LRCH1: variants seen among roughly 807,000 people sequenced by gnomAD.
LRCH1 encodes leucine-rich repeat and calponin homology domain-containing protein 1.
Under a neutral mutation model 94.9 loss-of-function variants are expected in LRCH1, and 23 were observed. The ratio of observed to expected loss-of-function variants is 0.24; its 90% confidence interval spans 0.17 to 0.34. The LOEUF is 0.34. Ranked by LOEUF, LRCH1 falls within the 10% of genes least tolerant of loss-of-function variation. The pLI is 1.00. For synonymous variants in LRCH1, 364 were observed against 354.9 expected (o/e 1.03, Z -0.29); for missense variants, 790 against 945.9 (o/e 0.84, Z 2.16).
chr13:46,718,895 A>G (rs1388654465), intron 16 of LRCH1, among the ~76,000 whole-genome samples: 1 of 97,510 alleles, frequency 1.0e-5, no homozygotes, highest in Non-Finnish European at 2.4e-5. Context: ...TTAGGTATAA[A>G]TATTTTTCAT....
At chr13:46,603,792 G>C (rs1395230373) in intron 1 of LRCH1, among the ~76,000 whole-genome samples, 1 of 152,094 alleles carries the variant, frequency 6.6e-6, no homozygotes, top group Non-Finnish European at 1.5e-5. Context: ...GAGTAGCTGA[G>C]ACTATAGGCT....
intron 19 of LRCH1, 113 bp from the exon 20 acceptor site, chr13:46,741,529 A>G: frequency 5.0e-6 from 6 of 1,205,312 alleles, no homozygotes; most frequent in Non-Finnish European, 6.1e-6. Context: ...ATAAGGGGTT[A>G]CTCCTGCCAT....
At chr13:46,582,131 CAG>C (rs1442339069) in intron 1 of LRCH1, among the ~76,000 whole-genome samples, 6 of 109,994 alleles carry the variant, frequency 5.5e-5, no homozygotes, top group Non-Finnish European at 1.0e-4. Flanking sequence ...GCCTGGGCGG[CAG>C]AGAGAGACTC....
At chr13:46,728,756 G>T in intron 17 of LRCH1, 91 bp from the exon 18 acceptor site, 1 of 1,184,286 alleles carries the variant, frequency 8.4e-7, no homozygotes, top group Non-Finnish European at 1.2e-6. Context: ...GATGAAATTA[G>T]TGCCTCAGTT....
At chr13:46,613,406 A>C (rs2050769854) in intron 1 of LRCH1, among the ~76,000 whole-genome samples, 1 of 151,424 alleles carries the variant, frequency 6.6e-6, no homozygotes, top group African/African-American at 2.4e-5. Flanking sequence ...AAAGAAAAAA[A>C]GATTTTCTAA....
At chr13:46,643,507 C>T (rs2051184221) in intron 1 of LRCH1, among the ~76,000 whole-genome samples, 1 of 152,138 alleles carries the variant, frequency 6.6e-6, no homozygotes, top group Non-Finnish European at 1.5e-5. Context: ...AAATTTTGAA[C>T]ATGTACGTAT....
intron 1 of LRCH1, among the ~76,000 whole-genome samples, chr13:46,628,217 G>A (rs966595862): frequency 1.6e-4 from 24 of 152,216 alleles, no homozygotes; most frequent in African/African-American, 5.8e-4. Context: ...GAAAATATGC[G>A]GGGCTGCTTG....
At position 46,743,447 on chromosome 13, in the gene LRCH1, C is replaced by T. The variant is rs540264908; in HGVS notation, c.*1599C>T. On this transcript the variant is annotated 3_prime_UTR_variant, in exon 20 of 20. Transcript: ENST00000389797. Reference sequence around the variant, plus strand: ...TATGTGGAAGTTATCTAATTAACCTCAGTTGTATATGAATAACCCACAGAT... The same window carrying T: ...TATGTGGAAGTTATCTAATTAACCTTAGTTGTATATGAATAACCCACAGAT... 19 of 985,788 alleles carry T rather than the reference C, an allele frequency of 1.9e-5. No individual in the cohort carries two copies. The African/African-American group carries it at 3.1e-4, about 16-fold the overall frequency. The allele number at this position is 985,788 out of a possible 1,614,324, so 61.1% of individuals were successfully genotyped here. A position where few individuals can be genotyped will look rare whatever the true frequency, so the allele number is the denominator to read the frequency against.
intron 1 of LRCH1, among the ~76,000 whole-genome samples, chr13:46,568,300 A>C (rs1004361648): frequency 2.6e-5 from 4 of 152,192 alleles, no homozygotes; most frequent in Admixed American, 2.6e-4. Flanking sequence ...ACCCTCTTTT[A>C]GCACAGCATG....
Position 46,660,233 on chromosome 13 carries a change from C to G in LRCH1, c.453-8797C>G, listed in dbSNP as rs1408876990. On this transcript the variant is annotated intron_variant, in intron 2 of 19. Coordinates refer to ENST00000389797, the MANE Select transcript of LRCH1 (RefSeq NM_001164211.2). ...GTTTCACTGTGTTGGCCAGGATGGT[C>G]TCGATCTCCTGACTTCGTGATCCAC... 2.0e-5 allele frequency among the ~76,000 whole-genome samples: 3 copies of G among 151,770 alleles called. No homozygotes were observed. The East Asian group carries it at 5.8e-4, about 29-fold the overall frequency.
intron 4 of LRCH1, 31 bp from the exon 5 acceptor site, chr13:46,685,870 TTTTC>T (rs763484151): frequency 1.5e-5 from 22 of 1,432,786 alleles, no homozygotes; most frequent in African/African-American, 2.9e-5. Flanking sequence ...TTCTAAGGTT[TTTTC>T]TTTCTTTTTT....
chr13:46,737,936 A>G (rs1019950693), intron 19 of LRCH1, among the ~76,000 whole-genome samples: 3 of 152,180 alleles, frequency 2.0e-5, no homozygotes, highest in Admixed American at 6.5e-5. Flanking sequence ...TAGGAAATAG[A>G]TATTTATTTG....
intron 19 of LRCH1, among the ~76,000 whole-genome samples, chr13:46,737,787 G>A (rs150520744): frequency 2.0e-4 from 30 of 152,264 alleles, no homozygotes; most frequent in African/African-American, 7.2e-4. Flanking sequence ...GTAGCAGATT[G>A]GCTACATGTT....
chr13:46,669,047 CCCTG>C lies in LRCH1; in HGVS notation c.483_486del (p.Leu162ValfsTer8), dbSNP rs1285699954. Reference sequence around the variant, plus strand: ...CTTTGCAGTCGAAATCAGCTGTCCGCCCTGCCTGCCTGCCTGTGTGGTCTGCCTC... The same window carrying C: ...CTTTGCAGTCGAAATCAGCTGTCCGCCCTGCCTGCCTGTGTGGTCTGCCTC... On this transcript the variant is annotated frameshift_variant, in exon 3 of 20. Transcript: ENST00000389797. LOFTEE classifies it high-confidence loss of function. 6.2e-7 allele frequency: 1 copy of C among 1,612,656 alleles called. No homozygotes were observed. Among genetic ancestry groups the C allele is most frequent in the Non-Finnish European group, 8.5e-7 (1 of 1,179,050 alleles).
chr13:46,743,666 T>C lies in LRCH1; in HGVS notation c.*1818T>C. ...TCAGCATTCCCATCCAGCTCTGCAG[T>C]GCATTGAGGCTTCTCTTTAATGGTC... On this transcript the variant is annotated 3_prime_UTR_variant, in exon 20 of 20. Coordinates refer to ENST00000389797, the MANE Select transcript of LRCH1 (RefSeq NM_001164211.2). The C allele has an allele frequency of 1.0e-6, 1 of 985,386 alleles. No homozygotes were observed. Among genetic ancestry groups the C allele is most frequent in the Non-Finnish European group, 1.2e-6 (1 of 829,928 alleles). 61.0% of individuals were successfully genotyped at this position (985,386 alleles called of 1,614,324 possible).
chr13:46,576,979 C>T (rs1051593887), intron 1 of LRCH1, among the ~76,000 whole-genome samples: 12 of 152,118 alleles, frequency 7.9e-5, no homozygotes, highest in Non-Finnish European at 4.4e-5. Flanking sequence ...TCCAAGCTTT[C>T]GAGGTTGTTG....
At chr13:46,679,092 A>C (rs1743743706) in intron 3 of LRCH1, among the ~76,000 whole-genome samples, 2 of 152,172 alleles carry the variant, frequency 1.3e-5, no homozygotes, top group Admixed American at 1.3e-4. Flanking sequence ...GACTGAAAAA[A>C]CTTGTTTTAG....
intron 1 of LRCH1, among the ~76,000 whole-genome samples, chr13:46,618,773 CTG>C (rs1401343343): frequency 6.6e-6 from 1 of 151,984 alleles, no homozygotes; most frequent in Non-Finnish European, 1.5e-5. Context: ...TTTCTTGTAG[CTG>C]TTTTTCTCAC....
chr13:46,738,585 G>A (rs2138246122), intron 19 of LRCH1, among the ~76,000 whole-genome samples: 1 of 152,202 alleles, frequency 6.6e-6, no homozygotes, highest in South Asian at 2.1e-4. Flanking sequence ...TAAGAGAAAT[G>A]GGTCCCTTAT....
Sources: gnomAD v4.1 joint callset for allele counts (sites outside exome capture counted in the v4.1 genomes callset) on GRCh38, gnomAD v4.1.1 for gene constraint, MANE v1.5 for transcripts, NCBI Gene and HGNC (gene_info 2026-07-23, HGNC 2026-07-21) for gene names.